The following SYN3 variants were observed in gnomAD, a reference collection of about 807,000 sequenced individuals.
The protein encoded by SYN3 is synapsin III, also known as synapsin-3.
SYN3 carries 35 observed loss-of-function variants against 65.8 expected under a neutral mutation model. The ratio of observed to expected loss-of-function variants is 0.53; its 90% confidence interval spans 0.41 to 0.70. SYN3 has a LOEUF of 0.70. SYN3 is among the 30% of genes least tolerant of loss of function. SYN3 has a pLI of 0.00. For synonymous variants in SYN3, 270 were observed against 292.9 expected (o/e 0.92, Z 0.80); for missense variants, 680 against 749.0 (o/e 0.91, Z 1.08).
intron 3 of SYN3, among the ~76,000 whole-genome samples, chr22:32,966,208 C>T (rs550865215): frequency 6.6e-6 from 1 of 152,090 alleles, no homozygotes; most frequent in African/African-American, 2.4e-5. Flanking sequence ...AGGGAAGAGG[C>T]ACCTCACCCT....
chr22:32,799,890 T>C (rs2046521488), intron 6 of SYN3, among the ~76,000 whole-genome samples: 1 of 152,048 alleles, frequency 6.6e-6, no homozygotes, highest in African/African-American at 2.4e-5. Context: ...GGGGAAGCAA[T>C]AGAATCATAC....
intron 6 of SYN3, among the ~76,000 whole-genome samples, chr22:32,719,979 C>T (rs1028437078): frequency 6.6e-6 from 1 of 152,184 alleles, no homozygotes; most frequent in Non-Finnish European, 1.5e-5. Flanking sequence ...AGTCTGCTGA[C>T]AATTGGATCC....
chr22:32,648,596 T>C (rs961959971), intron 6 of SYN3, among the ~76,000 whole-genome samples: 1 of 152,188 alleles, frequency 6.6e-6, no homozygotes, highest in African/African-American at 2.4e-5. Flanking sequence ...AATATCTGCA[T>C]TTGAGACTTG....
At chr22:32,539,582 G>A (rs1466656617) in intron 8 of SYN3, among the ~76,000 whole-genome samples, 1 of 152,160 alleles carries the variant, frequency 6.6e-6, no homozygotes, top group Non-Finnish European at 1.5e-5. Context: ...GCCCAGTAGC[G>A]ACAAGCACAA....
chr22:32,943,057 C>A (rs1037553948), intron 3 of SYN3, among the ~76,000 whole-genome samples: 2 of 152,198 alleles, frequency 1.3e-5, no homozygotes, highest in African/African-American at 4.8e-5. Flanking sequence ...CCAAACCTAG[C>A]AAGGCAGGCC....
intron 6 of SYN3, among the ~76,000 whole-genome samples, chr22:32,632,027 C>T (rs1234706159): frequency 4.8e-5 from 7 of 147,234 alleles, no homozygotes; most frequent in South Asian, 2.1e-4. Context: ...GTTTACTAGG[C>T]GCCGGAGGGA....
At chr22:32,924,982 T>C (rs1375617813) in intron 4 of SYN3, among the ~76,000 whole-genome samples, 2 of 152,018 alleles carry the variant, frequency 1.3e-5, no homozygotes, top group Non-Finnish European at 2.9e-5. Flanking sequence ...GTCCCAGCTA[T>C]TCAGGAGGCT....
At chr22:32,555,462 T>C (rs2058481235) in intron 7 of SYN3, among the ~76,000 whole-genome samples, 1 of 152,196 alleles carries the variant, frequency 6.6e-6, no homozygotes, top group African/African-American at 2.4e-5. Context: ...CTGCTGAGTT[T>C]CTCTCCAGCA....
chr22:32,941,624 C>T (rs907065389), intron 3 of SYN3, among the ~76,000 whole-genome samples: 9 of 152,214 alleles, frequency 5.9e-5, no homozygotes, highest in East Asian at 1.9e-4. Flanking sequence ...TGCAGCCCAC[C>T]GAGCGAGAGC....
chr22:32,962,723 A>G (rs73408544), intron 3 of SYN3, among the ~76,000 whole-genome samples: 1,770 of 152,194 alleles, frequency 0.012, 44 homozygotes, highest in African/African-American at 0.04. Flanking sequence ...CTTTGTCTGT[A>G]ATAGTAACAG....
intron 2 of SYN3, among the ~76,000 whole-genome samples, chr22:32,989,053 A>G (rs1335679426): frequency 1.3e-5 from 2 of 152,176 alleles, no homozygotes; most frequent in Non-Finnish European, 2.9e-5. Context: ...GTAACCTGCC[A>G]AGAATGTGCT....
chr22:32,999,081 A>G, intron 2 of SYN3, among the ~76,000 whole-genome samples: 1 of 152,178 alleles, frequency 6.6e-6, no homozygotes, highest in East Asian at 1.9e-4. Flanking sequence ...GAAGAGTAAG[A>G]GACAGGCCTT....
At chr22:32,926,160 T>C (rs1484984030) in intron 4 of SYN3, among the ~76,000 whole-genome samples, 1 of 152,112 alleles carries the variant, frequency 6.6e-6, no homozygotes, top group African/African-American at 2.4e-5. Flanking sequence ...CCGGGATAGA[T>C]GTTCTTGTTT....
At chr22:32,832,543 T>G (rs1388455118) in intron 6 of SYN3, among the ~76,000 whole-genome samples, 5 of 123,382 alleles carry the variant, frequency 4.1e-5, no homozygotes, top group African/African-American at 1.3e-4. Flanking sequence ...AAGCCTGGGT[T>G]TTTTTTTTTT....
rs369593614 is a variant in SYN3, at chr22:32,785,405, T to C, written c.711+79510A>G. ...GTCCCTCGTACTTTCTTTTTGTTCT[T>C]GGCCAAAGGGATCCCCTTCTCTGAA... On this transcript the variant is annotated intron_variant, in intron 6 of 13. Coordinates refer to ENST00000358763, the MANE Select transcript of SYN3 (RefSeq NM_003490.4). Among the ~76,000 whole-genome samples the C allele has an allele frequency of 1.1e-4, 16 of 152,336 alleles. No individual in the cohort carries two copies. In the East Asian group the frequency reaches 3.1e-3, roughly 29 times the overall value.
chr22:32,572,491 TCTTC>T (rs1455076724), intron 7 of SYN3, among the ~76,000 whole-genome samples: 180 of 11,672 alleles, frequency 0.015, no homozygotes, highest in African/African-American at 0.028. Flanking sequence ...CCCTTCCTTT[TCTTC>T]CTTCCTTCCT....
At chr22:32,920,542 C>G (rs1344462752) in intron 4 of SYN3, among the ~76,000 whole-genome samples, 1 of 152,226 alleles carries the variant, frequency 6.6e-6, no homozygotes, top group Non-Finnish European at 1.5e-5. Flanking sequence ...GGAGGGCTAT[C>G]AAGACAGCTG....
At chr22:32,856,125 G>A (rs1231707539) in intron 6 of SYN3, among the ~76,000 whole-genome samples, 2 of 152,252 alleles carry the variant, frequency 1.3e-5, no homozygotes, top group African/African-American at 4.8e-5. Context: ...GAGAATGTGA[G>A]TGAGAATGTT....
intron 6 of SYN3, among the ~76,000 whole-genome samples, chr22:32,748,089 C>T (rs1028304271): frequency 1.1e-4 from 17 of 152,142 alleles, no homozygotes; most frequent in East Asian, 5.8e-4. Context: ...AATCCAGCTC[C>T]GAACCTTAGA....
Sources: allele counts gnomAD v4.1 joint callset (sites outside exome capture counted in the v4.1 genomes callset), GRCh38; gene constraint gnomAD v4.1.1; transcripts MANE v1.5; gene names NCBI Gene and HGNC (gene_info 2026-07-23, HGNC 2026-07-21).